ZNF585B: variants seen among roughly 807,000 people sequenced by gnomAD.
ZNF585B encodes zinc finger protein 585B.
Under a neutral mutation model 14.0 loss-of-function variants are expected in ZNF585B, and 7 were observed. The observed-to-expected ratio is 0.50, with a 90% CI of 0.28 to 0.94. The LOEUF (loss-of-function observed/expected upper bound fraction) is 0.94. Among genes scored for constraint, ZNF585B ranks in the 40% least tolerant of loss-of-function variants. The pLI is 0.09. For synonymous variants in ZNF585B, 290 were observed against 317.3 expected, an observed-to-expected ratio of 0.91 and a Z score of 0.91; for missense variants, 750 against 924.4, an observed-to-expected ratio of 0.81 and a Z score of 2.45.
At chr19:37,204,968 G>A (rs1435756587) in intron 2 of ZNF585B, among the ~76,000 whole-genome samples, 2 of 152,012 alleles carry the variant, frequency 1.3e-5, no homozygotes, top group African/African-American at 2.4e-5. Flanking sequence ...GGCTGGTCTC[G>A]AACTCCTGAC....
At chr19:37,201,212 G>A (rs1402628153) in intron 2 of ZNF585B, among the ~76,000 whole-genome samples, 1 of 151,918 alleles carries the variant, frequency 6.6e-6, no homozygotes, top group Admixed American at 6.6e-5. Context: ...AAGGAAGCAA[G>A]AACCTCCACC....
intron 4 of ZNF585B, among the ~76,000 whole-genome samples, chr19:37,188,997 G>T (rs1328833249): frequency 6.6e-6 from 1 of 151,652 alleles, no homozygotes; most frequent in Non-Finnish European, 1.5e-5. Context: ...GAGTGCAATG[G>T]CATGATCTTG....
rs1343117611 is a variant in ZNF585B at position 37,190,023 on chromosome 19, C to A, written c.199+1G>T. On this transcript the variant is annotated splice_donor_variant, in intron 3 of 4. Coordinates refer to ENST00000532828, the MANE Select transcript of ZNF585B (RefSeq NM_152279.4). LOFTEE classifies it high-confidence loss of function. ...TCAGATACCAAGGTGACTGTGCTTA[C>A]CTACTGAGAGCAGGTGGCTGTAGGT... The A allele has an allele frequency of 6.2e-7, 1 of 1,613,830 alleles. No individual in the cohort carries two copies. The highest frequency in any genetic ancestry group is 1.3e-5 in the African/African-American group (1 of 74,916).
intron 1 of ZNF585B, among the ~76,000 whole-genome samples, chr19:37,208,093 C>T (rs1009735758): frequency 5.3e-5 from 8 of 152,176 alleles, no homozygotes; most frequent in African/African-American, 1.9e-4. Flanking sequence ...CTGCCTCAGC[C>T]TCCCAAGTAG....
At chr19:37,203,856 G>A (rs890136563) in intron 2 of ZNF585B, among the ~76,000 whole-genome samples, 13 of 152,162 alleles carry the variant, frequency 8.5e-5, no homozygotes, top group African/African-American at 2.4e-4. Context: ...TCAAACTCCC[G>A]ACCTCAGGTG....
rs1265400621 is a variant in ZNF585B at position 37,183,160 on chromosome 19, G to A, written c.*2067C>T. 2.0e-5 allele frequency: 3 copies of A among 152,158 alleles called. No homozygotes were observed. 9.4% of individuals were successfully genotyped at this position (152,158 alleles called of 1,614,324 possible). A position where few individuals can be genotyped will look rare whatever the true frequency, so the allele number is the denominator to read the frequency against. On this transcript the variant is annotated 3_prime_UTR_variant, in exon 5 of 5. Transcript: ENST00000532828. ...AAATCCTGGAAGCAAGCATCCACAT[G>A]GGATTTCCTGTACCTGTTTTCCCTT...
rs546193435 is a variant in ZNF585B, at chr19:37,188,097, C to T, written c.293-853G>A. On this transcript the variant is annotated intron_variant, in intron 4 of 4. Coordinates refer to ENST00000532828, the MANE Select transcript of ZNF585B (RefSeq NM_152279.4). ...ATTATCACAAAAATAAAATGAGAAT[C>T]TTCACCCACATTTTCATGGTCATAG... is the stretch of plus-strand genomic sequence containing the variant. Among the ~76,000 whole-genome samples, 272 of 152,226 alleles carry T rather than the reference C, an allele frequency of 1.8e-3. 1 individual carries two copies. The highest frequency in any genetic ancestry group is 6.5e-3 in the African/African-American group (268 of 41,538).
intron 2 of ZNF585B, among the ~76,000 whole-genome samples, chr19:37,206,061 C>G (rs1347140889): frequency 6.7e-6 from 1 of 149,022 alleles, no homozygotes; most frequent in Non-Finnish European, 1.5e-5. Flanking sequence ...GCCTAGGCAA[C>G]AAGAGCAAAA....
intron 2 of ZNF585B, among the ~76,000 whole-genome samples, chr19:37,197,073 T>C (rs865936353): frequency 2.0e-5 from 3 of 152,220 alleles, no homozygotes; most frequent in Admixed American, 6.5e-5. Flanking sequence ...GTTGGTGTGC[T>C]GCACCCATCA....
chr19:37,192,440 T>G (rs1972411987), intron 2 of ZNF585B, among the ~76,000 whole-genome samples: 1 of 150,646 alleles, frequency 6.6e-6, no homozygotes, highest in Non-Finnish European at 1.5e-5. Context: ...GATGGGGAGA[T>G]GGGCTCCAGT....
chr19:37,199,708 T>A (rs1972510488), intron 2 of ZNF585B, among the ~76,000 whole-genome samples: 1 of 151,888 alleles, frequency 6.6e-6, no homozygotes, highest in Non-Finnish European at 1.5e-5. Flanking sequence ...AGAAAAAACA[T>A]CCACCATGAA....
chr19:37,206,919 C>A, intron 2 of ZNF585B, 121 bp downstream of exon 2: 1 of 1,256,804 alleles, frequency 8.0e-7, no homozygotes, highest in African/African-American at 1.5e-5. Flanking sequence ...TTCAGGAGCA[C>A]CAAGTCTAGA....
rs980450241 is a variant in ZNF585B at position 37,183,150 on chromosome 19, G to C, written c.*2077C>G. 1 of 152,230 alleles carries C rather than the reference G, an allele frequency of 6.6e-6. No homozygotes were observed. The highest frequency in any genetic ancestry group is 2.1e-4 in the South Asian group (1 of 4,836). 9.4% of individuals were successfully genotyped at this position (152,230 alleles called of 1,614,324 possible). A position where few individuals can be genotyped will look rare whatever the true frequency, so the allele number is the denominator to read the frequency against. On this transcript the variant is annotated 3_prime_UTR_variant, in exon 5 of 5. Transcript: ENST00000532828. ...TCATGGCAGGAAATCCTGGAAGCAA[G>C]CATCCACATGGGATTTCCTGTACCT...
At position 37,190,081 on chromosome 19, in the gene ZNF585B, G is replaced by A. The variant is rs761109661; in HGVS notation, c.142C>T (p.Gln48Ter). The A allele has an allele frequency of 2.5e-6, 4 of 1,614,124 alleles. No individual in the cohort carries two copies. In the East Asian group the frequency reaches 8.9e-5, roughly 36 times the overall value. Residue 48 changes from glutamine (Q) to a stop codon, truncating the protein, a stop_gained, in exon 3 of 5, where the codon CAG (glutamine) becomes TAG (stop). Transcript: ENST00000532828. LOFTEE classifies it high-confidence loss of function. ...ATCACATCCCGGTACAGGTTTCTCTGAGAAAGGTCCAGGTGCCGCCATTCC... is the reference window on the plus strand; with the variant it reads ...ATCACATCCCGGTACAGGTTTCTCTAAGAAAGGTCCAGGTGCCGCCATTCC... ...REEWRHLDLS[Q>*]RNLYRDVMLE...
intron 2 of ZNF585B, among the ~76,000 whole-genome samples, chr19:37,205,091 CAG>C (rs1972572388): frequency 6.6e-6 from 1 of 151,812 alleles, no homozygotes; most frequent in South Asian, 2.1e-4. Context: ...TTGGTAGTGA[CAG>C]GGAATCACTA....
At chr19:37,207,298 A>C in intron 1 of ZNF585B, 44 bp from the exon 2 acceptor site, 2 of 1,383,316 alleles carry the variant, frequency 1.4e-6, no homozygotes, top group Non-Finnish European at 1.9e-6. Context: ...TTCACTACAT[A>C]AACACTTCCT....
intron 2 of ZNF585B, chr19:37,199,301 C>A: frequency 2.9e-6 from 1 of 340,948 alleles, no homozygotes; most frequent in Non-Finnish European, 5.7e-6. Flanking sequence ...CTGAGGCAGG[C>A]AGATTGCTTG....
At position 37,188,770 on chromosome 19, in the gene ZNF585B, TC is replaced by T. The variant is rs199549615; in HGVS notation, c.292+890del. 7.8e-3 allele frequency among the ~76,000 whole-genome samples: 1,180 copies of T among 152,224 alleles called. 20 individuals are homozygous for T. The highest frequency in any genetic ancestry group is 0.027 in the African/African-American group (1,134 of 41,530). ...AGGAAATGTGAGAAAGGGTGATTAA[TC>T]CATGCCATGTCAAACACAGCAGAGA... On this transcript the variant is annotated intron_variant, in intron 4 of 4. Coordinates refer to ENST00000532828, the MANE Select transcript of ZNF585B (RefSeq NM_152279.4).
intron 2 of ZNF585B, among the ~76,000 whole-genome samples, chr19:37,202,577 G>A (rs936429399): frequency 5.3e-5 from 8 of 151,308 alleles, no homozygotes; most frequent in Admixed American, 6.6e-5. Context: ...TGTTCTTACC[G>A]AGTTGAAAAT....
Sources: gnomAD v4.1 joint callset for allele counts (sites outside exome capture counted in the v4.1 genomes callset) on GRCh38, gnomAD v4.1.1 for gene constraint, MANE v1.5 for transcripts, NCBI Gene and HGNC (gene_info 2026-07-23, HGNC 2026-07-21) for gene names.